ARHGAP31: variants seen among roughly 807,000 people sequenced by gnomAD.
ARHGAP31 encodes rho GTPase-activating protein 31.
In ARHGAP31, 34 loss-of-function variants were observed where a neutral mutation model predicts 113.9. That is an observed-to-expected ratio of 0.30 (90% CI 0.23 to 0.40). The LOEUF (loss-of-function observed/expected upper bound fraction) is 0.40, where lower values mean the gene tolerates loss of function less well. Ranked by LOEUF, ARHGAP31 falls within the 10% of genes least tolerant of loss-of-function variation. ARHGAP31 has a pLI of 1.00. For synonymous variants in ARHGAP31, 650 were observed against 684.8 expected, an observed-to-expected ratio of 0.95 and a Z score of 0.79; for missense variants, 1,548 against 1,767.1, an observed-to-expected ratio of 0.88 and a Z score of 2.22.
chr3:119,345,489 A>T (rs2107614454), intron 1 of ARHGAP31, among the ~76,000 whole-genome samples: 1 of 152,108 alleles, frequency 6.6e-6, no homozygotes, highest in East Asian at 1.9e-4. Flanking sequence ...TGGCTCCAGA[A>T]CTCATGCCCT....
At chr3:119,327,688 T>C (rs1042322644) in intron 1 of ARHGAP31, among the ~76,000 whole-genome samples, 2 of 152,258 alleles carry the variant, frequency 1.3e-5, no homozygotes, top group African/African-American at 4.8e-5. Context: ...TGTGTATATT[T>C]ACTTCTTTAT....
Position 119,415,627 on chromosome 3 carries a change from A to G in ARHGAP31, c.3698A>G (p.Gln1233Arg). 2.5e-6 allele frequency: 4 copies of G among 1,614,170 alleles called. No homozygotes were observed. The highest frequency in any genetic ancestry group is 3.4e-6 in the Non-Finnish European group (4 of 1,180,028). ...GGGGTTCAGCCTCTGGAGAGGAGCCAGGAGGGACCCAGCTCAACCAGTGGG... is the reference window on the plus strand; with the variant it reads ...GGGGTTCAGCCTCTGGAGAGGAGCCGGGAGGGACCCAGCTCAACCAGTGGG... Reference protein sequence around the residue: ...ENGVQPLERSQEGPSSTSGTT... With the variant: ...ENGVQPLERSREGPSSTSGTT... Residue 1233 changes from glutamine to arginine, a missense_variant, in exon 12 of 12, where the codon CAG (glutamine) becomes CGG (arginine). Transcript: ENST00000264245.
Position 119,418,283 on chromosome 3 carries a change from G to C in ARHGAP31, c.*2019G>C, listed in dbSNP as rs1467421824. The C allele has an allele frequency of 2.0e-5, 3 of 152,092 alleles. No individual in the cohort carries two copies. The highest frequency in any genetic ancestry group is 1.3e-4 in the Admixed American group (2 of 15,272). 9.4% of individuals were successfully genotyped at this position (152,092 alleles called of 1,614,324 possible). On this transcript the variant is annotated 3_prime_UTR_variant, in exon 12 of 12. Transcript: ENST00000264245. ...CGAGATATGAACCTGTAAGAAAAAA[G>C]TCCTAGAATATAGTATTTTTCCCCA... is the stretch of plus-strand genomic sequence containing the variant.
At chr3:119,397,854 G>C (rs1039670848) in intron 8 of ARHGAP31, among the ~76,000 whole-genome samples, 1 of 152,222 alleles carries the variant, frequency 6.6e-6, no homozygotes, top group African/African-American at 2.4e-5. Context: ...GATCCATCCT[G>C]AATAGCAGCA....
At chr3:119,408,335 C>T (rs1329877008) in intron 10 of ARHGAP31, among the ~76,000 whole-genome samples, 2 of 152,150 alleles carry the variant, frequency 1.3e-5, no homozygotes, top group African/African-American at 4.8e-5. Context: ...AAAGGAAATA[C>T]CACTATTGTG....
rs577270878 is a variant in ARHGAP31, at chr3:119,305,315, T to C, written c.100+10311T>C. 3.9e-5 allele frequency among the ~76,000 whole-genome samples: 6 copies of C among 152,332 alleles called. No homozygotes were observed. In the South Asian group the frequency reaches 1.2e-3, roughly 32 times the overall value. The stretch of plus-strand genomic sequence containing the variant: ...TTAGACTTAATAAAACTTCTGGCAA[T>C]TGAGTTCCCATCCCCAGTTTTTCAA... On this transcript the variant is annotated intron_variant, in intron 1 of 11. Transcript: ENST00000264245.
intron 4 of ARHGAP31, among the ~76,000 whole-genome samples, chr3:119,381,992 A>C (rs941963336): frequency 6.6e-6 from 1 of 150,776 alleles, no homozygotes; most frequent in Middle Eastern, 3.2e-3. Flanking sequence ...TCTCAAAAAA[A>C]AAAAAAAAAA....
intron 1 of ARHGAP31, among the ~76,000 whole-genome samples, chr3:119,363,642 T>C (rs557623017): frequency 6.6e-6 from 1 of 152,308 alleles, no homozygotes; most frequent in East Asian, 1.9e-4. Context: ...TTAGAGCACG[T>C]CATAATAGGG....
chr3:119,385,391 A>G (rs2080440603), intron 6 of ARHGAP31, among the ~76,000 whole-genome samples: 1 of 152,116 alleles, frequency 6.6e-6, no homozygotes, highest in Non-Finnish European at 1.5e-5. Flanking sequence ...GTGATTATGT[A>G]TAATGCTGCT....
At chr3:119,413,169 T>G (rs930554353) in intron 11 of ARHGAP31, among the ~76,000 whole-genome samples, 1 of 149,766 alleles carries the variant, frequency 6.7e-6, no homozygotes, top group South Asian at 2.1e-4. Context: ...TACAAAAAAT[T>G]AGCCAGGTGT....
In ARHGAP31 at chr3:119,387,888, G is replaced by A. The variant is rs75725546; in HGVS notation, c.683-2897G>A. 8.9e-3 allele frequency among the ~76,000 whole-genome samples: 1,357 copies of A among 152,262 alleles called. 15 individuals carry two copies. Among genetic ancestry groups the A allele is most frequent in the South Asian group, 0.044 (213 of 4,820 alleles). On this transcript the variant is annotated intron_variant, in intron 6 of 11. Transcript: ENST00000264245. ...CAAGAAGAAAACATAGCAGAGTAAG[G>A]CAATAGTCAGTGACTTGGGGGTATA...
intron 10 of ARHGAP31, among the ~76,000 whole-genome samples, chr3:119,406,656 C>T (rs2080665351): frequency 6.6e-6 from 1 of 152,192 alleles, no homozygotes; most frequent in African/African-American, 2.4e-5. Flanking sequence ...TCTCAGATGT[C>T]TGCCTTGCGT....
chr3:119,311,385 T>C (rs1194535406), intron 1 of ARHGAP31, among the ~76,000 whole-genome samples: 3 of 152,212 alleles, frequency 2.0e-5, no homozygotes, highest in Non-Finnish European at 1.5e-5. Flanking sequence ...CCTCACATTG[T>C]CTTCCTCTGT....
intron 9 of ARHGAP31, among the ~76,000 whole-genome samples, chr3:119,400,885 C>T (rs1193117980): frequency 2.0e-5 from 3 of 152,196 alleles, no homozygotes; most frequent in Non-Finnish European, 4.4e-5. Context: ...AAGTCAAGAA[C>T]TTGGTCTGGG....
At chr3:119,338,499 T>A (rs2079979002) in intron 1 of ARHGAP31, among the ~76,000 whole-genome samples, 1 of 152,216 alleles carries the variant, frequency 6.6e-6, no homozygotes, top group Admixed American at 6.5e-5. Context: ...GAGGTTTTTA[T>A]TTGTGTTTTA....
intron 7 of ARHGAP31, among the ~76,000 whole-genome samples, chr3:119,391,598 T>TC (rs1422804516): frequency 0.082 from 7,048 of 86,462 alleles, 249 homozygotes; most frequent in East Asian, 0.19. Flanking sequence ...TACCCCCCCC[T>TC]CCCCCCCGCC....
chr3:119,307,778 C>T (rs1002813175), intron 1 of ARHGAP31, among the ~76,000 whole-genome samples: 2 of 151,794 alleles, frequency 1.3e-5, no homozygotes, highest in Non-Finnish European at 2.9e-5. Context: ...ATCTGGCAAT[C>T]AAGTCTGTTT....
rs544965812 is a variant in ARHGAP31, at chr3:119,365,134, AT to A, written c.101-173del. 4.2e-3 allele frequency among the ~76,000 whole-genome samples: 644 copies of A among 151,740 alleles called. 5 individuals are homozygous for A. The highest frequency in any genetic ancestry group is 6.8e-3 in the Middle Eastern group (2 of 294). On this transcript the variant is annotated intron_variant, in intron 1 of 11. Coordinates refer to ENST00000264245, the MANE Select transcript of ARHGAP31 (RefSeq NM_020754.4). ...AACAATTCTTTAGCAAAGCCCTATG[AT>A]TTTTTTTTAATATGAAAGGAACATC...
intron 1 of ARHGAP31, among the ~76,000 whole-genome samples, chr3:119,335,597 G>A (rs1459291248): frequency 6.6e-6 from 1 of 152,208 alleles, no homozygotes; most frequent in Non-Finnish European, 1.5e-5. Flanking sequence ...GGCTTCCACA[G>A]GGATTTGGGG....
Sources: gnomAD v4.1 joint callset for allele counts (sites outside exome capture counted in the v4.1 genomes callset) on GRCh38, gnomAD v4.1.1 for gene constraint, MANE v1.5 for transcripts, NCBI Gene and HGNC (gene_info 2026-07-23, HGNC 2026-07-21) for gene names.